LIPK: variants seen among roughly 807,000 people sequenced by gnomAD.
LIPK encodes lipase member K.
Under a neutral mutation model 48.6 loss-of-function variants are expected in LIPK, and 32 were observed. That is an observed-to-expected ratio of 0.66 (90% CI 0.50 to 0.88). LIPK has a LOEUF of 0.88. Ranked by LOEUF, LIPK falls within the 40% of genes least tolerant of loss-of-function variation. The pLI is 0.00. For synonymous variants in LIPK, 164 were observed against 157.4 expected, an observed-to-expected ratio of 1.04 and a Z score of -0.32; for missense variants, 507 against 478.5, an observed-to-expected ratio of 1.06 and a Z score of -0.56.
intron 1 of LIPK, among the ~76,000 whole-genome samples, chr10:88,718,343 A>C (rs1842158820): frequency 6.7e-6 from 1 of 148,498 alleles, no homozygotes; most frequent in South Asian, 2.1e-4. Context: ...ATAGGATGAA[A>C]ATTTTATATA....
intron 1 of LIPK, among the ~76,000 whole-genome samples, chr10:88,720,591 T>G (rs1244634210): frequency 3.3e-5 from 5 of 152,188 alleles, no homozygotes; most frequent in Non-Finnish European, 7.3e-5. Context: ...TGCAGGACTA[T>G]AGTGAACCTT....
chr10:88,749,432 G>A (rs1003555028), intron 9 of LIPK, among the ~76,000 whole-genome samples: 13 of 152,026 alleles, frequency 8.6e-5, no homozygotes, highest in African/African-American at 2.9e-4. Flanking sequence ...CCAATGGAAT[G>A]GGTTAGAGAA....
chr10:88,732,812 C>A (rs765660116), intron 6 of LIPK, among the ~76,000 whole-genome samples: 1 of 152,088 alleles, frequency 6.6e-6, no homozygotes, highest in African/African-American at 2.4e-5. Context: ...ATAGAGAGAA[C>A]TTATTTGATT....
chr10:88,737,546 T>C (rs1842597125), intron 6 of LIPK, 89 bp from the exon 7 acceptor site: 1 of 1,351,774 alleles, frequency 7.4e-7, no homozygotes, highest in South Asian at 1.3e-5. Flanking sequence ...TGTCACCTAA[T>C]ACTGTGCAGT....
At chr10:88,736,735 T>A (rs779223782) in intron 6 of LIPK, among the ~76,000 whole-genome samples, 3 of 152,216 alleles carry the variant, frequency 2.0e-5, no homozygotes, top group Non-Finnish European at 2.9e-5. Flanking sequence ...TCTACCATAA[T>A]GGATTCTTGG....
intron 1 of LIPK, among the ~76,000 whole-genome samples, chr10:88,714,425 A>T (rs551724904): frequency 4.6e-5 from 7 of 152,318 alleles, no homozygotes; most frequent in African/African-American, 1.7e-4. Flanking sequence ...ACACATGAAC[A>T]ACTTCAGTGT....
At chr10:88,721,084 T>TTC (rs1165352542) in intron 1 of LIPK, among the ~76,000 whole-genome samples, 2 of 152,004 alleles carry the variant, frequency 1.3e-5, no homozygotes, top group Admixed American at 6.6e-5. Context: ...ATCCTTATAT[T>TTC]TATTAGTCTA....
At chr10:88,745,803 C>G (rs746228521) in intron 9 of LIPK, among the ~76,000 whole-genome samples, 1 of 152,160 alleles carries the variant, frequency 6.6e-6, no homozygotes, top group Non-Finnish European at 1.5e-5. Context: ...TGCAAACAGG[C>G]TAAATGCCTC....
chr10:88,728,050 AAGTAC>A (rs1380848462), intron 3 of LIPK: 1 of 350,326 alleles, frequency 2.9e-6, no homozygotes, highest in African/African-American at 2.1e-5. Context: ...CTTCAAGAGT[AAGTAC>A]CAGGATGAGA....
chr10:88,748,187 T>A (rs1842802273), intron 9 of LIPK, among the ~76,000 whole-genome samples: 1 of 152,134 alleles, frequency 6.6e-6, no homozygotes, highest in Admixed American at 6.5e-5. Flanking sequence ...TACCACATGT[T>A]CTTACTCATA....
intron 1 of LIPK, among the ~76,000 whole-genome samples, chr10:88,720,346 T>C (rs1538643): frequency 0.78 from 119,149 of 152,008 alleles, 47,666 homozygotes; most frequent in East Asian, 1. Flanking sequence ...AAGAGGGGAA[T>C]GACAGACACT....
intron 6 of LIPK, 109 bp from the exon 7 acceptor site, chr10:88,737,526 A>T (rs879145008): frequency 9.1e-7 from 1 of 1,104,840 alleles, no homozygotes; most frequent in Admixed American, 2.2e-5. Flanking sequence ...AAGGACCAAC[A>T]CTGAGCAGAT....
At chr10:88,741,013 C>A (rs576811994) in intron 8 of LIPK, among the ~76,000 whole-genome samples, 2 of 152,264 alleles carry the variant, frequency 1.3e-5, no homozygotes, top group African/African-American at 4.8e-5. Context: ...GACGAGGAGA[C>A]AGATAGGTCC....
intron 9 of LIPK, among the ~76,000 whole-genome samples, 167 bp downstream of exon 9, chr10:88,743,488 T>G (rs1490118101): frequency 5.3e-5 from 8 of 152,256 alleles, no homozygotes; most frequent in Non-Finnish European, 1.2e-4. Flanking sequence ...TCATTATTTC[T>G]AATTCTTACA....
intron 9 of LIPK, among the ~76,000 whole-genome samples, chr10:88,750,974 T>C (rs769470060): frequency 1.5e-4 from 23 of 152,202 alleles, no homozygotes; most frequent in Non-Finnish European, 2.9e-4. Context: ...TTCTTATCTA[T>C]GTTTAATAAC....
intron 9 of LIPK, among the ~76,000 whole-genome samples, chr10:88,748,335 T>C (rs1359586440): frequency 6.6e-6 from 1 of 152,132 alleles, no homozygotes; most frequent in Non-Finnish European, 1.5e-5. Context: ...CCATGGCATA[T>C]GTACACCTAT....
At chr10:88,719,707 T>C (rs1285955715) in intron 1 of LIPK, among the ~76,000 whole-genome samples, 1 of 152,184 alleles carries the variant, frequency 6.6e-6, no homozygotes, top group African/African-American at 2.4e-5. Flanking sequence ...CATTTACGAA[T>C]ACAGTGAAGA....
intron 8 of LIPK, among the ~76,000 whole-genome samples, chr10:88,741,773 A>AT (rs1449796797): frequency 1.3e-5 from 2 of 152,198 alleles, no homozygotes; most frequent in African/African-American, 4.8e-5. Flanking sequence ...TAATCTTCAC[A>AT]ATCCTAAGAA....
At chr10:88,724,202 T>A (rs1842288765) in intron 1 of LIPK, among the ~76,000 whole-genome samples, 1 of 152,198 alleles carries the variant, frequency 6.6e-6, no homozygotes, top group African/African-American at 2.4e-5. Flanking sequence ...TGTGCTTTGA[T>A]TAATTTATTG....
Sources: allele counts gnomAD v4.1 joint callset (sites outside exome capture counted in the v4.1 genomes callset), GRCh38; gene constraint gnomAD v4.1.1; transcripts MANE v1.5; gene names NCBI Gene and HGNC (gene_info 2026-07-23, HGNC 2026-07-21).